SPAG16: variants seen among roughly 807,000 people sequenced by gnomAD.
SPAG16 encodes sperm-associated antigen 16 protein.
A neutral mutation model predicts 80.4 loss-of-function variants in SPAG16; 86 were observed. The observed-to-expected ratio is 1.07, with a 90% confidence interval of 0.90 to 1.28. SPAG16 has a LOEUF of 1.28. Among genes scored for constraint, SPAG16 ranks in the 50% most tolerant of loss-of-function variants. SPAG16 has a pLI of 0.00. For missense variants in SPAG16, 870 were observed against 765.3 expected (o/e 1.14, Z -1.61); for synonymous variants, 294 against 265.9 (o/e 1.11, Z -1.03).
chr2:213,667,664 T>C (rs2063658392), intron 10 of SPAG16, among the ~76,000 whole-genome samples: 2 of 152,178 alleles, frequency 1.3e-5, no homozygotes, highest in Non-Finnish European at 1.5e-5. Flanking sequence ...TATCATCTGA[T>C]TATAATTAAG....
chr2:214,087,815 T>C (rs989875405), intron 13 of SPAG16, among the ~76,000 whole-genome samples: 77 of 152,060 alleles, frequency 5.1e-4, no homozygotes, highest in Middle Eastern at 3.4e-3. Context: ...TCTAGACAAA[T>C]CTTGCCCTTT....
intron 10 of SPAG16, among the ~76,000 whole-genome samples, chr2:213,546,513 A>G (rs1040175138): frequency 1.1e-4 from 16 of 152,200 alleles, no homozygotes; most frequent in African/African-American, 3.4e-4. Flanking sequence ...AATAATCACA[A>G]TTTAACTCAA....
intron 15 of SPAG16, among the ~76,000 whole-genome samples, chr2:214,292,937 T>G (rs1431852057): frequency 6.6e-6 from 1 of 152,244 alleles, no homozygotes; most frequent in Non-Finnish European, 1.5e-5. Flanking sequence ...ATCTTTGAAT[T>G]CCTCGGTGGC....
intron 9 of SPAG16, among the ~76,000 whole-genome samples, chr2:213,416,641 C>T (rs780165527): frequency 2.0e-5 from 3 of 152,114 alleles, no homozygotes; most frequent in African/African-American, 7.2e-5. Flanking sequence ...GGAGACCAGC[C>T]ATTGGGCTCT....
At chr2:213,920,556 A>C (rs1393515229) in intron 11 of SPAG16, among the ~76,000 whole-genome samples, 2 of 152,156 alleles carry the variant, frequency 1.3e-5, no homozygotes, top group South Asian at 4.1e-4. Context: ...GGGCTGCCCC[A>C]TTGGACCTCT....
chr2:214,314,235 T>C (rs571946921), intron 15 of SPAG16, among the ~76,000 whole-genome samples: 1 of 152,306 alleles, frequency 6.6e-6, no homozygotes, highest in African/African-American at 2.4e-5. Flanking sequence ...ATTTTTCACA[T>C]ACTTAACATA....
intron 13 of SPAG16, among the ~76,000 whole-genome samples, chr2:214,087,944 AAAAT>A (rs1217179298): frequency 6.6e-6 from 1 of 152,154 alleles, no homozygotes. Context: ...AATAAATTAA[AAAAT>A]AAATGATGCC....
chr2:213,565,393 T>C (rs897293908), intron 10 of SPAG16, among the ~76,000 whole-genome samples: 1 of 152,240 alleles, frequency 6.6e-6, no homozygotes, highest in African/African-American at 2.4e-5. Flanking sequence ...AAACAGCTTA[T>C]TTCTAAGCAA....
rs1216220271 is a variant in SPAG16, at chr2:213,664,162, G to A, written c.1070+174072G>A. Among the ~76,000 whole-genome samples, 7 of 151,876 alleles carry A rather than the reference G, an allele frequency of 4.6e-5. 1 individual carries two copies. Among genetic ancestry groups the A allele is most frequent in the Non-Finnish European group, 1.0e-4 (7 of 67,918 alleles). The stretch of plus-strand genomic sequence containing the variant: ...TCCCTCTGTTTCCACTGTCACATAG[G>A]CTTCTCTGTCACTGACCCGTTGGTA... On this transcript the variant is annotated intron_variant, in intron 10 of 15. Transcript: ENST00000331683.
At chr2:213,495,072 A>G (rs17701161) in intron 10 of SPAG16, among the ~76,000 whole-genome samples, 2,329 of 152,152 alleles carry the variant, frequency 0.015, 27 homozygotes, top group South Asian at 0.036. Context: ...TATTTCATTC[A>G]TGGTTCTCAG....
At chr2:213,895,354 C>A (rs1350955583) in intron 11 of SPAG16, among the ~76,000 whole-genome samples, 2 of 152,070 alleles carry the variant, frequency 1.3e-5, no homozygotes, top group African/African-American at 4.8e-5. Context: ...CCAAAGTGAT[C>A]TACAGATTCA....
chr2:213,835,221 T>C (rs2074007973), intron 10 of SPAG16, among the ~76,000 whole-genome samples: 1 of 152,212 alleles, frequency 6.6e-6, no homozygotes, highest in African/African-American at 2.4e-5. Flanking sequence ...TCTAGAAATG[T>C]CTGATTCTAG....
At chr2:214,320,122 T>TC (rs1351811762) in intron 15 of SPAG16, among the ~76,000 whole-genome samples, 1 of 152,220 alleles carries the variant, frequency 6.6e-6, no homozygotes, top group Non-Finnish European at 1.5e-5. Flanking sequence ...TCTTGCTACT[T>TC]CACCTTATCG....
At chr2:213,668,584 G>T (rs912274184) in intron 10 of SPAG16, among the ~76,000 whole-genome samples, 1 of 151,970 alleles carries the variant, frequency 6.6e-6, no homozygotes, top group African/African-American at 2.4e-5. Flanking sequence ...GTATCAGGTT[G>T]CATTATTTAT....
intron 12 of SPAG16, among the ~76,000 whole-genome samples, chr2:213,973,576 G>T (rs1187136110): frequency 3.3e-5 from 5 of 151,850 alleles, no homozygotes; most frequent in Admixed American, 3.3e-4. Flanking sequence ...GCCATGGAGA[G>T]GTGTGGATAA....
intron 15 of SPAG16, among the ~76,000 whole-genome samples, chr2:214,399,148 A>G (rs1260402028): frequency 6.6e-6 from 1 of 152,134 alleles, no homozygotes; most frequent in African/African-American, 2.4e-5. Flanking sequence ...ATGATTTCAG[A>G]GAGTTTAATA....
chr2:213,871,838 T>TCACACACA (rs1045988177), intron 11 of SPAG16, among the ~76,000 whole-genome samples: 121 of 101,940 alleles, frequency 1.2e-3, no homozygotes, highest in African/African-American at 3.9e-3. Context: ...CTCAGGAAAT[T>TCACACACA]CACACACACA....
intron 9 of SPAG16, among the ~76,000 whole-genome samples, chr2:213,472,448 A>T (rs957576631): frequency 6.6e-6 from 1 of 152,126 alleles, no homozygotes; most frequent in African/African-American, 2.4e-5. Flanking sequence ...GTTGAACAGG[A>T]ATGTGGTGGG....
intron 10 of SPAG16, among the ~76,000 whole-genome samples, chr2:213,733,495 A>T (rs918919686): frequency 8.1e-6 from 1 of 123,566 alleles, no homozygotes; most frequent in African/African-American, 2.8e-5. Context: ...AGAGTTATGA[A>T]GGGATTTTTT....
Sources: gnomAD v4.1 joint callset for allele counts (sites outside exome capture counted in the v4.1 genomes callset) on GRCh38, gnomAD v4.1.1 for gene constraint, MANE v1.5 for transcripts, NCBI Gene and HGNC (gene_info 2026-07-23, HGNC 2026-07-21) for gene names.